The following ACSM4 variants were observed in gnomAD, a reference collection of about 807,000 sequenced individuals.
The protein encoded by ACSM4 is acyl-coenzyme A synthetase ACSM4, mitochondrial.
ACSM4 carries 66 observed loss-of-function variants against 73.0 expected under a neutral mutation model. That is an observed-to-expected ratio of 0.90 (90% CI 0.74 to 1.11). The LOEUF is 1.11. Ranked by LOEUF, ACSM4 falls within the 50% of genes least tolerant of loss-of-function variation. The probability of loss-of-function intolerance (pLI) is 0.00; values close to 1 mark genes in which losing one functional copy is unlikely to be tolerated. For synonymous variants in ACSM4, 222 were observed against 254.0 expected, an observed-to-expected ratio of 0.87 and a Z score of 1.20; for missense variants, 645 against 714.4, an observed-to-expected ratio of 0.90 and a Z score of 1.11.
intron 4 of ACSM4, 137 bp from the exon 5 acceptor site, chr12:7,317,889 C>A: frequency 1.1e-6 from 1 of 921,240 alleles, no homozygotes; most frequent in Non-Finnish European, 1.6e-6. Flanking sequence ...TTGAATCTAT[C>A]ACCTTGCCTG....
In ACSM4 at chr12:7,304,097, C is replaced by G. The variant is rs1357402934; in HGVS notation, c.-235C>G. Among the ~76,000 whole-genome samples, 1 of 152,166 alleles carries G rather than the reference C, an allele frequency of 6.6e-6. No homozygotes were observed. ...TTTTTTAGACTCATCTGGTCACAGA[C>G]AGAATGAAGAGGAAGGGTCCAGTGG... On this transcript the variant is annotated 5_prime_UTR_variant, in exon 1 of 13. Coordinates refer to ENST00000399422, the MANE Select transcript of ACSM4 (RefSeq NM_001080454.2).
At chr12:7,326,769 C>T (rs1205048322) in intron 11 of ACSM4, among the ~76,000 whole-genome samples, 4 of 152,190 alleles carry the variant, frequency 2.6e-5, no homozygotes, top group Non-Finnish European at 4.4e-5. Context: ...GCACTCCTCA[C>T]ACTCATAAAC....
At chr12:7,316,639 T>C (rs1178187054) in intron 3 of ACSM4, among the ~76,000 whole-genome samples, 1 of 152,190 alleles carries the variant, frequency 6.6e-6, no homozygotes, top group Non-Finnish European at 1.5e-5. Flanking sequence ...AGACAGCTAT[T>C]TGGTAAGCAA....
At chr12:7,316,971 CCG>C (rs1491240108) in intron 3 of ACSM4, among the ~76,000 whole-genome samples, 164 bp from the exon 4 acceptor site, 1 of 152,096 alleles carries the variant, frequency 6.6e-6, no homozygotes, top group Non-Finnish European at 1.5e-5. Context: ...CTTCAAAGTC[CCG>C]CTAAGATTTC....
intron 2 of ACSM4, among the ~76,000 whole-genome samples, chr12:7,309,126 A>G (rs1205686126): frequency 6.6e-6 from 1 of 152,234 alleles, no homozygotes; most frequent in Admixed American, 6.5e-5. Context: ...TAATTCGGCC[A>G]TGTATGTTCT....
chr12:7,326,338 A>G (rs1946505471), intron 11 of ACSM4, among the ~76,000 whole-genome samples: 1 of 152,116 alleles, frequency 6.6e-6, no homozygotes. Flanking sequence ...TCAAGTTGCT[A>G]GTACTACAGG....
In ACSM4 at chr12:7,322,431, A is replaced by G. The variant is rs1946470678; in HGVS notation, c.1015A>G (p.Ser339Gly). 6.2e-7 allele frequency: 1 copy of G among 1,613,686 alleles called. No individual in the cohort carries two copies. The highest frequency in any genetic ancestry group is 1.7e-5 in the Admixed American group (1 of 59,990). ...CTGTCTCTCCAGATATAAATTCAAG[A>G]GTCTGCGGCACTGCTTGACCGGAGG... is the stretch of plus-strand genomic sequence containing the variant. ...QKDLKRYKFK[S>G]LRHCLTGGEP... Residue 339 changes from serine to glycine, a missense_variant, in exon 7 of 13, where the codon AGT (serine) becomes GGT (glycine). By Grantham distance (56) the Ser-to-Gly change is moderately conservative. Transcript: ENST00000399422.
rs201457643 is a variant in ACSM4, at chr12:7,327,004, C to A, written c.1565C>A (p.Ala522Glu). 59 of 1,612,120 alleles carry A rather than the reference C, an allele frequency of 3.7e-5. 1 individual carries two copies. In the East Asian group the frequency reaches 1.3e-3, roughly 35 times the overall value. Residue 522 changes from alanine to glutamate, a missense_variant, in exon 12 of 13, where the codon GCA becomes GAA. Ala to Glu is a moderately radical substitution (Grantham distance 107). Coordinates refer to ENST00000399422, the MANE Select transcript of ACSM4 (RefSeq NM_001080454.2). Reference protein sequence around the residue: ...EVVKAFVVLAAPFKSYNPEKL... With the variant: ...EVVKAFVVLAEPFKSYNPEKL... ...GTGAAAGCTTTTGTTGTCTTAGCTG[C>A]ACCCTTTAAGTCCTACAACCCAGAG...
rs1307450607 is a variant in ACSM4, at chr12:7,322,506, C to T, written c.1090C>T (p.Leu364=). The stretch of plus-strand genomic sequence containing the variant: ...GGAGCAGTGGAGGGTGCAAACTGGG[C>T]TGGAGCTATATGAGGGCTATGGACA... ...VLEQWRVQTG[L]ELYEGYGQTE... is the part of the protein sequence containing the mutation. The change falls in exon 7 of 13, where the codon CTG becomes TTG. Residue 364 remains leucine, a synonymous_variant. Transcript: ENST00000399422. The T allele has an allele frequency of 6.2e-7, 1 of 1,613,844 alleles. No homozygotes were observed. The highest frequency in any genetic ancestry group is 1.7e-5 in the Admixed American group (1 of 59,994).
At chr12:7,324,137 CAGAGAGAGACTCTG>C in intron 9 of ACSM4, 122 bp from the exon 10 acceptor site, 1 of 1,057,774 alleles carries the variant, frequency 9.5e-7, no homozygotes, top group Non-Finnish European at 1.3e-6. Flanking sequence ...GTCTAGGCAA[CAGAGAGAGACTCTG>C]TCTCAAAAAA....
At chr12:7,318,558 A>C (rs75315159) in intron 5 of ACSM4, 6,107 of 164,162 alleles carry the variant, frequency 0.037, 136 homozygotes, top group Middle Eastern at 0.058. Flanking sequence ...TCTTGTGTGG[A>C]GTGGACATTA....
chr12:7,323,226 C>T lies in ACSM4; in HGVS notation c.1126-8C>T, dbSNP rs1255218350. On this transcript the variant is annotated splice_region_variant and splice_polypyrimidine_tract_variant and intron_variant, in intron 7 of 12. Coordinates refer to ENST00000399422, the MANE Select transcript of ACSM4 (RefSeq NM_001080454.2). ...TGTATACTTATACAAAGCTTGTCCT[C>T]TCAATAGGGAATGATTTGTGCCAAT... 1.2e-6 allele frequency: 2 copies of T among 1,602,942 alleles called. No homozygotes were observed. The highest frequency in any genetic ancestry group is 1.1e-5 in the South Asian group (1 of 88,378).
At chr12:7,315,997 G>A (rs904328953) in intron 3 of ACSM4, among the ~76,000 whole-genome samples, 2 of 152,146 alleles carry the variant, frequency 1.3e-5, no homozygotes, top group African/African-American at 4.8e-5. Flanking sequence ...TGAGGCCTAG[G>A]CTGAGAAGTC....
At chr12:7,306,814 G>T (rs2136328103) in intron 2 of ACSM4, 71 bp downstream of exon 2, 27 of 1,051,048 alleles carry the variant, frequency 2.6e-5, no homozygotes, top group East Asian at 6.7e-5. Flanking sequence ...TTTCTGAATT[G>T]TTAGCTCTGA....
In ACSM4 at chr12:7,318,178, T is replaced by C. The variant is rs780288570; in HGVS notation, c.917T>C (p.Leu306Pro). ...GCACAGTTTGACACTGACACCTTCC[T>C]AGACGTAAGTCATGTCCTCCAGCTA... ...RMAQFDTDTF[L>P]DTLTTYPITT... The change falls in exon 5 of 13, where the codon CTA (leucine) becomes CCA (proline). Residue 306 changes from leucine to proline, a missense_variant. Physicochemically the swap from Leu to Pro is moderately conservative, Grantham distance 98 (BLOSUM62 -3). Coordinates refer to ENST00000399422, the MANE Select transcript of ACSM4 (RefSeq NM_001080454.2). 8 of 1,613,090 alleles carry C rather than the reference T, an allele frequency of 5.0e-6. No homozygotes were observed. The highest frequency in any genetic ancestry group is 6.8e-6 in the Non-Finnish European group (8 of 1,179,738).
Position 7,323,217 on chromosome 12 carries a change from G to T in ACSM4, c.1126-17G>T. On this transcript the variant is annotated splice_polypyrimidine_tract_variant and intron_variant, in intron 7 of 12. Coordinates refer to ENST00000399422, the MANE Select transcript of ACSM4 (RefSeq NM_001080454.2). Reference sequence around the variant, plus strand: ...ATAAACTTTTGTATACTTATACAAAGCTTGTCCTCTCAATAGGGAATGATT... The same window carrying T: ...ATAAACTTTTGTATACTTATACAAATCTTGTCCTCTCAATAGGGAATGATT... 1 of 1,594,274 alleles carries T rather than the reference G, an allele frequency of 6.3e-7. No homozygotes were observed. The highest frequency in any genetic ancestry group is 1.1e-5 in the South Asian group (1 of 87,266).
In ACSM4 at chr12:7,322,433, T is replaced by C. The variant is rs751765147; in HGVS notation, c.1017T>C (p.Ser339=). 6.2e-7 allele frequency: 1 copy of C among 1,613,488 alleles called. No individual in the cohort carries two copies. The highest frequency in any genetic ancestry group is 8.5e-7 in the Non-Finnish European group (1 of 1,179,820). Residue 339 remains serine (S), a synonymous_variant, in exon 7 of 13, where the codon AGT becomes AGC. Coordinates refer to ENST00000399422, the MANE Select transcript of ACSM4 (RefSeq NM_001080454.2). The stretch of plus-strand genomic sequence containing the variant: ...GTCTCTCCAGATATAAATTCAAGAG[T>C]CTGCGGCACTGCTTGACCGGAGGGG... ...QKDLKRYKFK[S]LRHCLTGGEP... is the part of the protein sequence containing the mutation.
At chr12:7,317,626 T>C (rs1302067068) in intron 4 of ACSM4, among the ~76,000 whole-genome samples, 2 of 152,226 alleles carry the variant, frequency 1.3e-5, no homozygotes, top group African/African-American at 4.8e-5. Context: ...GCATTTATAC[T>C]ACTTGAAATA....
intron 6 of ACSM4, among the ~76,000 whole-genome samples, chr12:7,322,145 TCTC>T (rs1293345196): frequency 6.6e-6 from 1 of 152,150 alleles, no homozygotes; most frequent in Non-Finnish European, 1.5e-5. Flanking sequence ...AATAGCATCT[TCTC>T]CTGCCTTTTT....
Sources: allele counts gnomAD v4.1 joint callset (sites outside exome capture counted in the v4.1 genomes callset), GRCh38; gene constraint gnomAD v4.1.1; transcripts MANE v1.5; gene names NCBI Gene and HGNC (gene_info 2026-07-23, HGNC 2026-07-21).